Variants in SGCZ observed in about 807,000 individuals in gnomAD.
SGCZ encodes sarcoglycan zeta, also known as zeta-sarcoglycan.
SGCZ carries 40 observed loss-of-function variants against 41.3 expected under a neutral mutation model. That is an observed-to-expected ratio of 0.97 (90% CI 0.75 to 1.26). SGCZ has a LOEUF of 1.26. Among genes scored for constraint, SGCZ ranks in the 50% most tolerant of loss-of-function variants. The probability of loss-of-function intolerance (pLI) is 0.00; values close to 1 mark genes in which losing one functional copy is unlikely to be tolerated. For synonymous variants in SGCZ, 206 were observed against 137.5 expected (o/e 1.50, Z -3.49); for missense variants, 552 against 369.8 (o/e 1.49, Z -4.04).
At chr8:14,677,692 A>G (rs111931323) in intron 1 of SGCZ, among the ~76,000 whole-genome samples, 1,905 of 152,248 alleles carry the variant, frequency 0.013, 35 homozygotes, top group African/African-American at 0.031. Flanking sequence ...AATCGCTTGA[A>G]CCTGGGAGGC....
intron 1 of SGCZ, among the ~76,000 whole-genome samples, chr8:14,763,746 G>T (rs1799957499): frequency 6.6e-6 from 1 of 152,078 alleles, no homozygotes; most frequent in Admixed American, 6.6e-5. Flanking sequence ...CCATGAAAGA[G>T]TTACTTGTTA....
chr8:14,415,555 A>T (rs1799471351), intron 2 of SGCZ, among the ~76,000 whole-genome samples: 1 of 151,966 alleles, frequency 6.6e-6, no homozygotes, highest in South Asian at 2.1e-4. Context: ...ATATTGTTCT[A>T]CTAAACAAGA....
intron 3 of SGCZ, among the ~76,000 whole-genome samples, chr8:14,306,809 CTT>C (rs1295057166): frequency 3.3e-5 from 5 of 152,076 alleles, no homozygotes; most frequent in African/African-American, 1.2e-4. Flanking sequence ...TTCAGGAAAA[CTT>C]ATAAAAAGAA....
intron 2 of SGCZ, among the ~76,000 whole-genome samples, chr8:14,550,734 A>T (rs1186872442): frequency 2.0e-5 from 3 of 151,982 alleles, no homozygotes; most frequent in Non-Finnish European, 4.4e-5. Flanking sequence ...AATTCTTCCC[A>T]ACTCAAGATG....
rs551807313 is a variant in SGCZ at position 14,502,833 on chromosome 8, C to T, written c.234+51899G>A. Among the ~76,000 whole-genome samples, 3 of 152,268 alleles carry T rather than the reference C, an allele frequency of 2.0e-5. No homozygotes were observed. In the South Asian group the frequency reaches 6.2e-4, roughly 32 times the overall value. On this transcript the variant is annotated intron_variant, in intron 2 of 7. Transcript: ENST00000382080. ...TGGCGAGGATGTGGAGAAATAGGAA[C>T]ACTTTATACTGTTGGTGGGAGTGTA...
chr8:14,729,247 G>A (rs1338664589), intron 1 of SGCZ, among the ~76,000 whole-genome samples: 1 of 152,070 alleles, frequency 6.6e-6, no homozygotes, highest in Non-Finnish European at 1.5e-5. Context: ...TCACGACAAC[G>A]CTTAATGACT....
intron 2 of SGCZ, among the ~76,000 whole-genome samples, chr8:14,501,996 T>C (rs1802169577): frequency 6.6e-6 from 1 of 152,102 alleles, no homozygotes; most frequent in Non-Finnish European, 1.5e-5. Context: ...CAGGATTAGT[T>C]TGGGTACAAC....
In SGCZ at chr8:15,237,714, T is replaced by A; in HGVS notation, c.-91A>T. Reference sequence around the variant, plus strand: ...AGTTTCCAGCTTAAACTCAGCTTTATCCTCCTCCAAGCCCCGGCAGCTCCT... The same window carrying A: ...AGTTTCCAGCTTAAACTCAGCTTTAACCTCCTCCAAGCCCCGGCAGCTCCT... On this transcript the variant is annotated 5_prime_UTR_variant, in exon 1 of 8. Transcript: ENST00000382080. 2.1e-6 allele frequency: 3 copies of A among 1,419,920 alleles called. No individual in the cohort carries two copies. The South Asian group carries it at 3.7e-5, about 18-fold the overall frequency. 88.0% of individuals were successfully genotyped at this position (1,419,920 alleles called of 1,614,324 possible). A position where few individuals can be genotyped will look rare whatever the true frequency, so the allele number is the denominator to read the frequency against.
chr8:15,068,867 T>C (rs936872569), intron 1 of SGCZ, among the ~76,000 whole-genome samples: 1 of 152,214 alleles, frequency 6.6e-6, no homozygotes, highest in African/African-American at 2.4e-5. Context: ...GTTGATTTAT[T>C]TGAGTCCAAC....
chr8:14,904,671 T>A (rs1311708640), intron 1 of SGCZ, among the ~76,000 whole-genome samples: 1 of 152,008 alleles, frequency 6.6e-6, no homozygotes. Context: ...CTCTCCTCAA[T>A]AAGATTCATA....
intron 2 of SGCZ, among the ~76,000 whole-genome samples, chr8:14,373,817 G>A (rs1028140024): frequency 6.6e-6 from 1 of 151,930 alleles, no homozygotes; most frequent in African/African-American, 2.4e-5. Context: ...GCAGAGAACT[G>A]GAATGAAAAC....
In SGCZ at chr8:14,546,343, C is replaced by T. The variant is rs184643189; in HGVS notation, c.234+8389G>A. Among the ~76,000 whole-genome samples, 287 of 152,270 alleles carry T rather than the reference C, an allele frequency of 1.9e-3. 1 individual carries two copies. Among genetic ancestry groups the T allele is most frequent in the African/African-American group, 6.6e-3 (274 of 41,558 alleles). On this transcript the variant is annotated intron_variant, in intron 2 of 7. Transcript: ENST00000382080. ...AGCTCAGAAAGGCGGGCAAAAACTA[C>T]GGGCTTAAATCACCTCCAGAGTGCT...
At chr8:14,614,628 T>C (rs1806036125) in intron 1 of SGCZ, among the ~76,000 whole-genome samples, 1 of 152,190 alleles carries the variant, frequency 6.6e-6, no homozygotes, top group African/African-American at 2.4e-5. Flanking sequence ...TTCTACTTCA[T>C]TTTTGAGTTG....
chr8:14,771,019 C>T (rs1280725518), intron 1 of SGCZ, among the ~76,000 whole-genome samples: 1 of 152,086 alleles, frequency 6.6e-6, no homozygotes. Context: ...TTGGCTTTTT[C>T]AGGCAAAGCA....
chr8:14,529,169 T>A (rs1803048814), intron 2 of SGCZ, among the ~76,000 whole-genome samples: 1 of 152,152 alleles, frequency 6.6e-6, no homozygotes, highest in African/African-American at 2.4e-5. Flanking sequence ...TCAACACATA[T>A]AAAGTCATAA....
At chr8:15,008,305 C>T (rs1400608437) in intron 1 of SGCZ, among the ~76,000 whole-genome samples, 1 of 151,784 alleles carries the variant, frequency 6.6e-6, no homozygotes, top group African/African-American at 2.4e-5. Flanking sequence ...AAGTTTCTGT[C>T]ATGGTTTAAC....
intron 3 of SGCZ, among the ~76,000 whole-genome samples, chr8:14,271,064 G>A (rs1036543116): frequency 6.6e-6 from 1 of 152,118 alleles, no homozygotes; most frequent in Non-Finnish European, 1.5e-5. Flanking sequence ...GGCGGAGCGG[G>A]GAGGGATAGC....
Position 15,111,641 on chromosome 8 carries a change from C to T in SGCZ, c.39+125944G>A, listed in dbSNP as rs554863906. On this transcript the variant is annotated intron_variant, in intron 1 of 7. Transcript: ENST00000382080. ...TTTCGGCCGGGTGTGGTGGTTCACG[C>T]CTGTAATCGCAGCACTTTGGGAGGC... is the stretch of plus-strand genomic sequence containing the variant. 4.4e-3 allele frequency among the ~76,000 whole-genome samples: 668 copies of T among 152,260 alleles called. 4 individuals are homozygous for T. Among genetic ancestry groups the T allele is most frequent in the African/African-American group, 0.015 (644 of 41,562 alleles).
At chr8:14,492,465 T>A (rs938057787) in intron 2 of SGCZ, among the ~76,000 whole-genome samples, 8 of 152,212 alleles carry the variant, frequency 5.3e-5, no homozygotes, top group African/African-American at 1.7e-4. Flanking sequence ...CTGCTTCCAT[T>A]TTATACTATT....
Sources: allele counts gnomAD v4.1 joint callset (sites outside exome capture counted in the v4.1 genomes callset), GRCh38; gene constraint gnomAD v4.1.1; transcripts MANE v1.5; gene names NCBI Gene and HGNC (gene_info 2026-07-23, HGNC 2026-07-21).